Variants in TEKTL1 observed in about 807,000 individuals in gnomAD.
TEKTL1 encodes the protein tektin like 1, also known as tektin-like protein 1.
At chr19:15,016,691 G>C in the TEKTL1 span, among the ~76,000 whole-genome samples, 29 of 152,324 alleles carry the variant, frequency 1.9e-4, no homozygotes, top group Admixed American at 3.9e-4. Context: ...TTTATATGAA[G>C]TTTTAGATTC....
the TEKTL1 span, chr19:15,011,370 G>T: frequency 6.9e-7 from 1 of 1,446,030 alleles, no homozygotes; most frequent in Non-Finnish European, 9.1e-7. Flanking sequence ...GTCAAGCTGC[G>T]GGGCTACAGG....
the TEKTL1 span, among the ~76,000 whole-genome samples, chr19:15,014,000 GCAGT>G: frequency 1.3e-5 from 2 of 152,174 alleles, no homozygotes; most frequent in African/African-American, 4.8e-5. Flanking sequence ...CAAACCCTGC[GCAGT>G]CATTGAATCC....
the TEKTL1 span, among the ~76,000 whole-genome samples, chr19:15,021,173 T>G: frequency 6.6e-6 from 1 of 152,084 alleles, no homozygotes; most frequent in Admixed American, 6.6e-5. Context: ...CAGGCTCTGC[T>G]TCTAAGGAAA....
chr19:15,021,520 G>C, the TEKTL1 span: 1 of 1,614,082 alleles, frequency 6.2e-7, no homozygotes, highest in Non-Finnish European at 8.5e-7. Flanking sequence ...GGAGCTGAAG[G>C]TGAGCGCATT....
At chr19:15,018,105 C>G in the TEKTL1 span, among the ~76,000 whole-genome samples, 10 of 152,108 alleles carry the variant, frequency 6.6e-5, no homozygotes, top group Non-Finnish European at 1.3e-4. Flanking sequence ...CATATCCCAG[C>G]ACTTTGGGAG....
the TEKTL1 span, chr19:15,021,807 G>A: frequency 6.2e-7 from 1 of 1,613,986 alleles, no homozygotes; most frequent in Admixed American, 1.7e-5. Context: ...CCCCACCAGG[G>A]TCCTCTGTCG....
At chr19:15,019,269 C>CA in the TEKTL1 span, among the ~76,000 whole-genome samples, 15 of 152,116 alleles carry the variant, frequency 9.9e-5, no homozygotes, top group Non-Finnish European at 2.1e-4. Context: ...GATTTTTTCA[C>CA]AGTGTGTTTA....
the TEKTL1 span, chr19:15,021,676 A>T: frequency 2.5e-6 from 4 of 1,614,018 alleles, no homozygotes; most frequent in Non-Finnish European, 3.4e-6. Flanking sequence ...TACGAAATAT[A>T]ACCAAGAGTT....
At chr19:15,015,715 A>G in the TEKTL1 span, among the ~76,000 whole-genome samples, 1 of 152,152 alleles carries the variant, frequency 6.6e-6, no homozygotes. Flanking sequence ...TGAATGAAGG[A>G]AGGAGGGAAG....
chr19:15,013,996 C>T, the TEKTL1 span, among the ~76,000 whole-genome samples: 1 of 152,156 alleles, frequency 6.6e-6, no homozygotes, highest in Non-Finnish European at 1.5e-5. Flanking sequence ...GTACCAAACC[C>T]TGCGCAGTCA....
At chr19:15,021,653 C>T in the TEKTL1 span, 2 of 1,614,156 alleles carry the variant, frequency 1.2e-6, no homozygotes, top group South Asian at 1.1e-5. Context: ...ATGAGGGGAA[C>T]TATCCTCCGG....
the TEKTL1 span, among the ~76,000 whole-genome samples, chr19:15,020,224 C>T: frequency 2.0e-5 from 3 of 151,382 alleles, no homozygotes; most frequent in African/African-American, 7.3e-5. Context: ...AGGAGGATTA[C>T]TTGAGCCCAG....
the TEKTL1 span, chr19:15,013,850 A>T: frequency 1.2e-6 from 1 of 846,838 alleles, no homozygotes; most frequent in Non-Finnish European, 1.9e-6. Flanking sequence ...AACCACTCTG[A>T]CCTGGGGACT....
the TEKTL1 span, chr19:15,010,908 T>A: frequency 1.3e-6 from 2 of 1,572,822 alleles, no homozygotes; most frequent in Non-Finnish European, 1.7e-6. Flanking sequence ...GCTCAGGCCA[T>A]GGCGAGGACC....
At chr19:15,020,479 G>C in the TEKTL1 span, 1 of 1,613,294 alleles carries the variant, frequency 6.2e-7, no homozygotes, top group Non-Finnish European at 8.5e-7. Flanking sequence ...CTCCTGCCGA[G>C]ACACTCTGAA....
the TEKTL1 span, chr19:15,013,861 G>T: frequency 1.3e-6 from 1 of 776,548 alleles, no homozygotes; most frequent in African/African-American, 1.7e-5. Context: ...CCTGGGGACT[G>T]TCACAATAGC....
chr19:15,014,359 G>A, the TEKTL1 span, among the ~76,000 whole-genome samples: 2 of 152,016 alleles, frequency 1.3e-5, no homozygotes, highest in African/African-American at 4.8e-5. Flanking sequence ...TACTAATCTG[G>A]TACCTGCTTC....
the TEKTL1 span, chr19:15,023,162 G>T: frequency 2.6e-6 from 4 of 1,521,558 alleles, no homozygotes; most frequent in Non-Finnish European, 3.5e-6. Context: ...TTGGATGCTG[G>T]CTGGGACCTC....
At chr19:15,016,113 G>A in the TEKTL1 span, among the ~76,000 whole-genome samples, 1 of 151,962 alleles carries the variant, frequency 6.6e-6, no homozygotes, top group African/African-American at 2.4e-5. Flanking sequence ...GCTGAGGGTC[G>A]AGGGTGTGGA....
Sources: allele counts gnomAD v4.1 joint callset (sites outside exome capture counted in the v4.1 genomes callset), GRCh38; gene constraint gnomAD v4.1.1; transcripts MANE v1.5; gene names NCBI Gene and HGNC (gene_info 2026-07-23, HGNC 2026-07-21).